The following PAK2 variants were observed in gnomAD, a reference collection of about 807,000 sequenced individuals.
PAK2 encodes the protein serine/threonine-protein kinase PAK 2.
Under a neutral mutation model 65.9 loss-of-function variants are expected in PAK2, and 21 were observed. That is an observed-to-expected ratio of 0.32 (90% CI 0.23 to 0.46). The LOEUF (loss-of-function observed/expected upper bound fraction) is 0.46. PAK2 is among the 20% of genes least tolerant of loss of function. The pLI is 1.00. For synonymous variants in PAK2, 204 were observed against 219.7 expected (o/e 0.93, Z 0.63); for missense variants, 324 against 642.6 (o/e 0.50, Z 5.36).
chr3:196,805,926 T>C (rs563281992), intron 5 of PAK2, among the ~76,000 whole-genome samples: 1 of 151,720 alleles, frequency 6.6e-6, no homozygotes, highest in African/African-American at 2.4e-5. Context: ...TTTTTATTTT[T>C]TTTGAGTTAG....
rs1712113809 is a variant in PAK2 at position 196,832,199 on chromosome 3, TAGAACTTAGA to T, written c.*3797_*3806del. ...TCTGTCAAGCACACTTCTGTTCTCT[TAGAACTTAGA>T]AGTGTTTCTAAGAGAACAGAAGTAA... On this transcript the variant is annotated 3_prime_UTR_variant, in exon 15 of 15. Transcript: ENST00000327134. 1.3e-5 allele frequency: 2 copies of T among 152,184 alleles called. No homozygotes were observed. The highest frequency in any genetic ancestry group is 4.8e-5 in the African/African-American group (2 of 41,460). 9.4% of individuals were successfully genotyped at this position (152,184 alleles called of 1,614,324 possible). A position where few individuals can be genotyped will look rare whatever the true frequency, so the allele number is the denominator to read the frequency against.
At chr3:196,776,622 G>C (rs1249337330) in intron 1 of PAK2, among the ~76,000 whole-genome samples, 1 of 152,182 alleles carries the variant, frequency 6.6e-6, no homozygotes, top group Non-Finnish European at 1.5e-5. Context: ...TGATGACATA[G>C]ATGGTGATAT....
chr3:196,810,720 GT>G, intron 8 of PAK2, 67 bp downstream of exon 8: 1 of 850,186 alleles, frequency 1.2e-6, no homozygotes, highest in Non-Finnish European at 2.0e-6. Context: ...ATAGCATGAT[GT>G]TTATTTTGCC....
intron 1 of PAK2, among the ~76,000 whole-genome samples, chr3:196,774,415 T>C (rs917070487): frequency 2.0e-4 from 30 of 152,196 alleles, no homozygotes; most frequent in African/African-American, 6.8e-4. Flanking sequence ...TGAATTTGTT[T>C]TCCTGTGTAA....
Position 196,782,777 on chromosome 3 carries a change from C to T in PAK2, c.131C>T (p.Pro44Leu). The change falls in exon 2 of 15, where the codon CCA (proline) becomes CTA (leucine). Residue 44 changes from proline to leucine, a missense_variant. Transcript: ENST00000327134. Reference protein sequence around the residue: ...NHSLKPLPSVPEEKKPRHKII... With the variant: ...NHSLKPLPSVLEEKKPRHKII... ...AGTTTGAAACCTTTGCCCTCTGTTC[C>T]AGAAGAGAAAAAGCCCAGGCATAAA... is the stretch of plus-strand genomic sequence containing the variant. 1 of 1,613,672 alleles carries T rather than the reference C, an allele frequency of 6.2e-7. No homozygotes were observed.
rs1560092904 is a variant in PAK2, at chr3:196,759,525, T to TTTTTTTTTTTTTTTTTTTTG, written c.-22+19380_-22+19381insTTTTTTTGTTTTTTTTTTTT. ...TTTTTTTTTTTTTTTTTTTTTTTTT[T>TTTTTTTTTTTTTTTTTTTTG]TTTTTTTTTTTTGAGATAGAGTCTT... On this transcript the variant is annotated intron_variant, in intron 1 of 14. Transcript: ENST00000327134. Among the ~76,000 whole-genome samples the TTTTTTTTTTTTTTTTTTTTG allele has an allele frequency of 7.6e-5, 10 of 131,688 alleles. 1 individual carries two copies. The highest frequency in any genetic ancestry group is 4.0e-3 in the Middle Eastern group (1 of 250). The allele number at this position is 131,688 out of a possible 152,430, so 86.4% of individuals were successfully genotyped here. A position where few individuals can be genotyped will look rare whatever the true frequency, so the allele number is the denominator to read the frequency against.
chr3:196,807,849 C>G lies in PAK2; in HGVS notation c.644C>G (p.Ala215Gly). 6.2e-7 allele frequency: 1 copy of G among 1,612,228 alleles called. No homozygotes were observed. The highest frequency in any genetic ancestry group is 8.5e-7 in the Non-Finnish European group (1 of 1,178,636). ...GGTGATTCACATGTTGATGGTGCTGCCAAGTCTTTAGACAAACAGAAAAAG... is the reference window on the plus strand; with the variant it reads ...GGTGATTCACATGTTGATGGTGCTGGCAAGTCTTTAGACAAACAGAAAAAG... ...PVGDSHVDGAAKSLDKQKKKT... is the reference protein window; with the variant it reads ...PVGDSHVDGAGKSLDKQKKKT... The change falls in exon 7 of 15, where the codon GCC becomes GGC. Residue 215 changes from alanine to glycine, a missense_variant. By Grantham distance (60) the Ala-to-Gly change is moderately conservative (BLOSUM62 0). Around this residue, in one of 5 missense-constraint regions of PAK2, gnomAD observed 183 missense variants for 246.2 expected, o/e 0.74. Coordinates refer to ENST00000327134, the MANE Select transcript of PAK2 (RefSeq NM_002577.4).
At chr3:196,826,995 C>T (rs933507044) in intron 13 of PAK2, among the ~76,000 whole-genome samples, 8 of 151,954 alleles carry the variant, frequency 5.3e-5, no homozygotes, top group Non-Finnish European at 7.4e-5. Context: ...AATCTGATTT[C>T]AGAAAAGTAA....
intron 1 of PAK2, among the ~76,000 whole-genome samples, chr3:196,774,636 C>T (rs1450961835): frequency 1.3e-5 from 2 of 152,170 alleles, no homozygotes; most frequent in African/African-American, 4.8e-5. Context: ...ATGGTGCAGT[C>T]ACGTGAGATG....
At chr3:196,819,985 A>G (rs1711597079) in intron 12 of PAK2, among the ~76,000 whole-genome samples, 1 of 152,202 alleles carries the variant, frequency 6.6e-6, no homozygotes, top group African/African-American at 2.4e-5. Flanking sequence ...TCTACAAAAA[A>G]TTTTAAAAAT....
At chr3:196,784,212 A>ATT (rs1351349863) in intron 2 of PAK2, among the ~76,000 whole-genome samples, 1 of 123,814 alleles carries the variant, frequency 8.1e-6, no homozygotes. Context: ...TTTGTTTTTA[A>ATT]TTTTTTTTTT....
rs71301221 is a variant in PAK2 at position 196,759,498 on chromosome 3, GTTTTTTTTTTTT to G, written c.-22+19369_-22+19380del. 1.9e-3 allele frequency among the ~76,000 whole-genome samples: 202 copies of G among 108,160 alleles called. 4 individuals carry two copies. Among genetic ancestry groups the G allele is most frequent in the African/African-American group, 6.9e-3 (194 of 27,998 alleles). The allele number at this position is 108,160 out of a possible 152,430, so 71.0% of individuals were successfully genotyped here. A position where few individuals can be genotyped will look rare whatever the true frequency, so the allele number is the denominator to read the frequency against. ...GGTATACAGTTAAGTGGTTTTTTTT[GTTTTTTTTTTTT>G]TTTTTTTTTTTTTTTTTTTTTTTTT... On this transcript the variant is annotated intron_variant, in intron 1 of 14. Coordinates refer to ENST00000327134, the MANE Select transcript of PAK2 (RefSeq NM_002577.4).
At chr3:196,805,904 T>G (rs1715569210) in intron 5 of PAK2, among the ~76,000 whole-genome samples, 1 of 150,730 alleles carries the variant, frequency 6.6e-6, no homozygotes, top group African/African-American at 2.4e-5. Flanking sequence ...TTTTATTTAT[T>G]TATTTATTTT....
At chr3:196,773,990 G>A (rs1478086761) in intron 1 of PAK2, among the ~76,000 whole-genome samples, 1 of 152,084 alleles carries the variant, frequency 6.6e-6, no homozygotes, top group Non-Finnish European at 1.5e-5. Context: ...CCGAGATCAC[G>A]CCACTGCACT....
At chr3:196,746,049 G>C (rs925343164) in intron 1 of PAK2, among the ~76,000 whole-genome samples, 1 of 149,288 alleles carries the variant, frequency 6.7e-6, no homozygotes, top group East Asian at 2.0e-4. Flanking sequence ...GGATGGTCTC[G>C]ATCTCCTGAC....
At chr3:196,805,132 G>A (rs2108758463) in intron 4 of PAK2, among the ~76,000 whole-genome samples, 1 of 152,000 alleles carries the variant, frequency 6.6e-6, no homozygotes, top group African/African-American at 2.4e-5. Flanking sequence ...ATAATTCACT[G>A]ATTTTTACTA....
intron 8 of PAK2, 106 bp downstream of exon 8, chr3:196,810,759 T>A: frequency 1.5e-6 from 1 of 663,492 alleles, no homozygotes; most frequent in South Asian, 1.8e-5. Context: ...TATATAGTAT[T>A]CTGTGAGTGG....
rs1291758589 is a variant in PAK2, at chr3:196,832,564, T to C, written c.*4159T>C. 6.6e-6 allele frequency: 1 copy of C among 152,078 alleles called. No homozygotes were observed. Among genetic ancestry groups the C allele is most frequent in the Non-Finnish European group, 1.5e-5 (1 of 68,014 alleles). The allele number at this position is 152,078 out of a possible 1,614,324, so 9.4% of individuals were successfully genotyped here. A position where few individuals can be genotyped will look rare whatever the true frequency, so the allele number is the denominator to read the frequency against. ...AAAAGAATATTTTAATGTCTTTTGA[T>C]AGCATAAAAGAATATTTAAATGTCT... On this transcript the variant is annotated 3_prime_UTR_variant, in exon 15 of 15. Transcript: ENST00000327134.
intron 1 of PAK2, among the ~76,000 whole-genome samples, chr3:196,748,993 T>C (rs568980201): frequency 7.7e-4 from 117 of 152,348 alleles, no homozygotes; most frequent in African/African-American, 2.6e-3. Flanking sequence ...ATGTACCTTA[T>C]GTAAGTGGAA....
Sources: gnomAD v4.1 joint callset for allele counts (sites outside exome capture counted in the v4.1 genomes callset) on GRCh38, gnomAD v4.1.1 for gene constraint, gnomAD v4.1.1 regional missense constraint, MANE v1.5 for transcripts, NCBI Gene and HGNC (gene_info 2026-07-23, HGNC 2026-07-21) for gene names.